CWF19L2: variants seen among roughly 807,000 people sequenced by gnomAD.
The protein encoded by CWF19L2 is CWF19-like protein 2.
CWF19L2 carries 98 observed loss-of-function variants against 111.7 expected under a neutral mutation model. That is an observed-to-expected ratio of 0.88 (90% CI 0.75 to 1.04). The LOEUF is 1.04. Ranked by LOEUF, CWF19L2 falls within the 50% of genes least tolerant of loss-of-function variation. The pLI is 0.00. For synonymous variants in CWF19L2, 351 were observed against 342.9 expected, an observed-to-expected ratio of 1.02 and a Z score of -0.26; for missense variants, 1,101 against 1,051.4, an observed-to-expected ratio of 1.05 and a Z score of -0.65.
intron 11 of CWF19L2, among the ~76,000 whole-genome samples, chr11:107,392,393 C>G (rs1436187318): frequency 6.6e-6 from 1 of 152,126 alleles, no homozygotes; most frequent in South Asian, 2.1e-4. Context: ...TAAGCCATTA[C>G]TGTGTATGGA....
chr11:107,372,115 C>A (rs952362234), intron 12 of CWF19L2, among the ~76,000 whole-genome samples: 1 of 134,110 alleles, frequency 7.5e-6, no homozygotes, highest in East Asian at 2.1e-4. Context: ...TTATTGAATG[C>A]TATTATGTGT....
chr11:107,378,047 C>T (rs1860620493), intron 12 of CWF19L2, among the ~76,000 whole-genome samples: 1 of 151,382 alleles, frequency 6.6e-6, no homozygotes, highest in African/African-American at 2.4e-5. Context: ...CAGAGAAATG[C>T]AAATCAAAAC....
chr11:107,426,960 T>C (rs1297696509), intron 8 of CWF19L2, among the ~76,000 whole-genome samples: 2 of 152,014 alleles, frequency 1.3e-5, no homozygotes, highest in African/African-American at 2.4e-5. Context: ...TCTTGTTTTA[T>C]ACTCTTCTGT....
chr11:107,447,155 C>A (rs1378765355), intron 3 of CWF19L2, among the ~76,000 whole-genome samples: 1 of 152,172 alleles, frequency 6.6e-6, no homozygotes, highest in African/African-American at 2.4e-5. Flanking sequence ...AATGAAACTA[C>A]AATCTCTACA....
intron 12 of CWF19L2, among the ~76,000 whole-genome samples, chr11:107,362,785 C>T (rs1444862407): frequency 6.6e-5 from 10 of 151,880 alleles, no homozygotes; most frequent in East Asian, 3.9e-4. Flanking sequence ...TCCAAAGGAA[C>T]GCAGTTCCTC....
intron 12 of CWF19L2, among the ~76,000 whole-genome samples, chr11:107,372,575 A>C (rs752160515): frequency 7.3e-6 from 1 of 136,992 alleles, no homozygotes; most frequent in Non-Finnish European, 1.6e-5. Flanking sequence ...GCCTAACAGC[A>C]ACAAAATACC....
intron 12 of CWF19L2, among the ~76,000 whole-genome samples, chr11:107,381,911 A>C (rs1860692483): frequency 1.3e-5 from 2 of 152,188 alleles, no homozygotes; most frequent in African/African-American, 4.8e-5. Flanking sequence ...TAATAACTTA[A>C]GGTAAAATCC....
Position 107,402,871 on chromosome 11 carries a change from GTGTATATATATATATA to G in CWF19L2, c.1618-9992_1618-9977del, listed in dbSNP as rs1162172328. ...AACGAGTGGATAAACAAACTGTGGT[GTGTATATATATATATA>G]TATATATATATATATAATGGAATAC... is the stretch of plus-strand genomic sequence containing the variant. On this transcript the variant is annotated intron_variant, in intron 10 of 17. Transcript: ENST00000282251. 7.6e-3 allele frequency among the ~76,000 whole-genome samples: 436 copies of G among 57,106 alleles called. 33 individuals are homozygous for G. The highest frequency in any genetic ancestry group is 0.014 in the African/African-American group (141 of 10,066). 37.5% of individuals were successfully genotyped at this position (57,106 alleles called of 152,430 possible). A position where few individuals can be genotyped will look rare whatever the true frequency, so the allele number is the denominator to read the frequency against.
At chr11:107,347,011 C>T (rs1478846025) in intron 14 of CWF19L2, among the ~76,000 whole-genome samples, 1 of 152,148 alleles carries the variant, frequency 6.6e-6, no homozygotes, top group Non-Finnish European at 1.5e-5. Flanking sequence ...TCCTTTTTCC[C>T]CACCTACCAA....
intron 8 of CWF19L2, among the ~76,000 whole-genome samples, chr11:107,424,141 A>T (rs1395340698): frequency 1.3e-5 from 2 of 151,490 alleles, no homozygotes; most frequent in East Asian, 3.9e-4. Context: ...TAATTCCTCA[A>T]ATTTCTCCCT....
chr11:107,327,965 G>A (rs1269163433), intron 17 of CWF19L2, among the ~76,000 whole-genome samples: 2 of 152,102 alleles, frequency 1.3e-5, no homozygotes, highest in Non-Finnish European at 2.9e-5. Context: ...CTACTATGCA[G>A]AAGCAAATGC....
intron 16 of CWF19L2, among the ~76,000 whole-genome samples, chr11:107,331,403 A>G (rs75444857): frequency 0.015 from 2,259 of 152,318 alleles, 63 homozygotes; most frequent in African/African-American, 0.052. Context: ...GGTTATCCAG[A>G]TAGGCCCAAT....
rs1483621030 is a variant in CWF19L2 at position 107,381,986 on chromosome 11, C to G, written c.1872+8088G>C. ...CTCTTACACCTTTCATTTTTCCTCC[C>G]CTCCGGCCCATGTTTAATGGTCTAT... On this transcript the variant is annotated intron_variant, in intron 12 of 17. Coordinates refer to ENST00000282251, the MANE Select transcript of CWF19L2 (RefSeq NM_152434.3). Among the ~76,000 whole-genome samples, 12 of 151,778 alleles carry G rather than the reference C, an allele frequency of 7.9e-5. No homozygotes were observed. The South Asian group carries it at 2.5e-3, about 32-fold the overall frequency.
intron 12 of CWF19L2, among the ~76,000 whole-genome samples, chr11:107,356,307 G>A (rs534383041): frequency 1.3e-5 from 2 of 152,188 alleles, no homozygotes; most frequent in South Asian, 4.2e-4. Flanking sequence ...AATCAATGAT[G>A]CCAACTGCCA....
At chr11:107,410,041 C>G (rs1861134685) in intron 10 of CWF19L2, among the ~76,000 whole-genome samples, 1 of 152,078 alleles carries the variant, frequency 6.6e-6, no homozygotes, top group African/African-American at 2.4e-5. Flanking sequence ...TGGTTTTTCA[C>G]TAAAGCCAAA....
At chr11:107,414,623 A>G (rs1861200936) in intron 10 of CWF19L2, among the ~76,000 whole-genome samples, 1 of 152,016 alleles carries the variant, frequency 6.6e-6, no homozygotes, top group Non-Finnish European at 1.5e-5. Flanking sequence ...AACTCTCAAT[A>G]TATCCAAAAC....
At chr11:107,362,083 G>C (rs1050295736) in intron 12 of CWF19L2, among the ~76,000 whole-genome samples, 2 of 152,100 alleles carry the variant, frequency 1.3e-5, no homozygotes, top group Admixed American at 6.5e-5. Context: ...GGAAAATCGA[G>C]TCACTCCCAC....
At chr11:107,402,457 T>C (rs1861014544) in intron 10 of CWF19L2, among the ~76,000 whole-genome samples, 2 of 148,976 alleles carry the variant, frequency 1.3e-5, no homozygotes, top group African/African-American at 4.9e-5. Context: ...GATATACAAA[T>C]GGCCAACAAA....
At chr11:107,407,789 ACT>A (rs1861101565) in intron 10 of CWF19L2, among the ~76,000 whole-genome samples, 1 of 152,022 alleles carries the variant, frequency 6.6e-6, no homozygotes, top group Non-Finnish European at 1.5e-5. Context: ...CAAAACAACT[ACT>A]CTACAATTTC....
Sources: allele counts gnomAD v4.1 joint callset (sites outside exome capture counted in the v4.1 genomes callset), GRCh38; gene constraint gnomAD v4.1.1; transcripts MANE v1.5; gene names NCBI Gene and HGNC (gene_info 2026-07-23, HGNC 2026-07-21).